Variants in PHF10 observed in about 807,000 individuals in gnomAD.
PHF10 encodes BRG1-associated factor 45a.
A neutral mutation model predicts 68.5 loss-of-function variants in PHF10; 51 were observed. That is an observed-to-expected ratio of 0.74 (90% CI 0.59 to 0.94). The LOEUF is 0.94. Ranked by LOEUF, PHF10 falls within the 40% of genes least tolerant of loss-of-function variation. PHF10 has a pLI of 0.00. For missense variants in PHF10, 460 were observed against 602.6 expected (o/e 0.76, Z 2.48); for synonymous variants, 204 against 203.5 (o/e 1.00, Z -0.02).
At chr6:169,723,592 T>C (rs1440084544) in intron 1 of PHF10, among the ~76,000 whole-genome samples, 1 of 152,052 alleles carries the variant, frequency 6.6e-6, no homozygotes, top group Non-Finnish European at 1.5e-5. Flanking sequence ...GGGACAAGCT[T>C]GTCAAGCAGG....
At chr6:169,722,038 T>C (rs148194513) in intron 1 of PHF10, among the ~76,000 whole-genome samples, 200 of 152,316 alleles carry the variant, frequency 1.3e-3, no homozygotes, top group African/African-American at 4.3e-3. Flanking sequence ...TCTGTGAGCA[T>C]CTCCTTATCC....
At chr6:169,714,332 C>T (rs1289096779) in intron 7 of PHF10, among the ~76,000 whole-genome samples, 1 of 152,220 alleles carries the variant, frequency 6.6e-6, no homozygotes, top group East Asian at 1.9e-4. Context: ...CTAACCTGCA[C>T]ATGAATCACA....
chr6:169,723,983 GGCCGCCGCCGCCGCTGCCGCCGCC>G lies in PHF10; in HGVS notation c.-76_-53del, dbSNP rs1328310574. ...GCCGCCGTCGCCTCCGCCTTGTCCC[GGCCGCCGCCGCCGCTGCCGCCGCC>G]GCCGCCGCCGCCGCCGCGCGGGCCC... On this transcript the variant is annotated 5_prime_UTR_variant, in exon 1 of 12. Transcript: ENST00000339209. The G allele has an allele frequency of 6.3e-5, 32 of 507,298 alleles. No individual in the cohort carries two copies. Among genetic ancestry groups the G allele is most frequent in the African/African-American group, 1.8e-4 (8 of 45,564 alleles). 31.4% of individuals were successfully genotyped at this position (507,298 alleles called of 1,614,324 possible).
At chr6:169,719,044 T>A (rs1180993498) in intron 2 of PHF10, 126 bp from the exon 3 acceptor site, 2 of 616,410 alleles carry the variant, frequency 3.2e-6, no homozygotes, top group African/African-American at 1.9e-5. Context: ...CTTGACTTCC[T>A]GTGTATCAAA....
intron 8 of PHF10, among the ~76,000 whole-genome samples, chr6:169,710,653 G>C (rs1419232722): frequency 6.6e-6 from 1 of 152,008 alleles, no homozygotes; most frequent in Non-Finnish European, 1.5e-5. Flanking sequence ...TCTGACATAA[G>C]TCACAAAAAC....
At chr6:169,718,606 T>C (rs943905063) in intron 3 of PHF10, among the ~76,000 whole-genome samples, 182 bp downstream of exon 3, 1 of 152,222 alleles carries the variant, frequency 6.6e-6, no homozygotes, top group African/African-American at 2.4e-5. Flanking sequence ...AGTGCAAGGC[T>C]GCAGTGAGCT....
At chr6:169,705,888 G>A (rs1422380269) in intron 9 of PHF10, among the ~76,000 whole-genome samples, 164 bp from the exon 10 acceptor site, 1 of 152,146 alleles carries the variant, frequency 6.6e-6, no homozygotes, top group Non-Finnish European at 1.5e-5. Flanking sequence ...ATGTAAGACT[G>A]CCTACTGAAG....
chr6:169,715,823 G>C lies in PHF10; in HGVS notation c.578C>G (p.Ala193Gly). 1 of 1,613,336 alleles carries C rather than the reference G, an allele frequency of 6.2e-7. No individual in the cohort carries two copies. The highest frequency in any genetic ancestry group is 8.5e-7 in the Non-Finnish European group (1 of 1,179,662). ...CTTAATATACTCAGGCACTTTACTG[G>C]CTTCAACTTTCTGAGTATTCTGTTG... ...MQQQNTQKVE[A>G]SKVPEYIKKA... The change falls in exon 6 of 12, where the codon GCC becomes GGC. Residue 193 changes from alanine to glycine, a missense_variant. Physicochemically the swap from Ala to Gly is moderately conservative, Grantham distance 60. Transcript: ENST00000339209.
At chr6:169,707,552 C>T (rs1464856103) in intron 9 of PHF10, 1 of 152,168 alleles carries the variant, frequency 6.6e-6, no homozygotes, top group Non-Finnish European at 1.5e-5. Context: ...ATATCTTTCA[C>T]TAAAGTCAGG....
intron 2 of PHF10, among the ~76,000 whole-genome samples, chr6:169,720,555 G>A (rs763697233): frequency 4.8e-4 from 73 of 152,100 alleles, no homozygotes; most frequent in Non-Finnish European, 7.2e-4. Context: ...AGCCACAAAA[G>A]GACAAATATT....
chr6:169,709,040 A>T (rs960694126), intron 9 of PHF10: 1 of 152,174 alleles, frequency 6.6e-6, no homozygotes, highest in African/African-American at 2.4e-5. Context: ...ACCCTTGCTG[A>T]ATTAAGCTTA....
At chr6:169,709,709 G>A (rs1001987344) in intron 9 of PHF10, 1 of 152,046 alleles carries the variant, frequency 6.6e-6, no homozygotes, top group Admixed American at 6.6e-5. Context: ...TAAGTAACAG[G>A]TTTTATTATT....
At chr6:169,704,171 G>A (rs1788687715) in intron 11 of PHF10, 83 bp from the exon 12 acceptor site, 1 of 965,248 alleles carries the variant, frequency 1.0e-6, no homozygotes, top group Non-Finnish European at 1.5e-6. Flanking sequence ...TTCTGCCTTA[G>A]CTATCACTAA....
intron 8 of PHF10, among the ~76,000 whole-genome samples, chr6:169,712,033 T>C (rs149364906): frequency 4.6e-5 from 7 of 152,304 alleles, no homozygotes; most frequent in African/African-American, 1.4e-4. Context: ...GCAAATGCAC[T>C]CCCCTCAACT....
chr6:169,706,518 A>ATGACT (rs1283306123), intron 9 of PHF10, among the ~76,000 whole-genome samples: 1 of 152,170 alleles, frequency 6.6e-6, no homozygotes, highest in Non-Finnish European at 1.5e-5. Flanking sequence ...AATTTTAGAC[A>ATGACT]TATTTGGTTA....
rs1241597652 is a variant in PHF10 at position 169,706,752 on chromosome 6, ACACAC to A, written c.1114-1033_1114-1029del. On this transcript the variant is annotated intron_variant, in intron 9 of 11. Transcript: ENST00000339209. ...TACACACACACACACACACACACAC[ACACAC>A]ACACACACACACACACACACACGTA... 3.3e-5 allele frequency among the ~76,000 whole-genome samples: 5 copies of A among 151,148 alleles called. 1 individual carries two copies. In the East Asian group the frequency reaches 9.7e-4, roughly 29 times the overall value.
chr6:169,715,001 C>A (rs549121979), intron 6 of PHF10, among the ~76,000 whole-genome samples, 159 bp from the exon 7 acceptor site: 1 of 152,176 alleles, frequency 6.6e-6, no homozygotes, highest in African/African-American at 2.4e-5. Context: ...ACAGTTGGTG[C>A]TTTCAGTTCT....
chr6:169,706,445 G>A (rs571330532), intron 9 of PHF10, among the ~76,000 whole-genome samples: 41 of 152,094 alleles, frequency 2.7e-4, no homozygotes, highest in African/African-American at 9.4e-4. Context: ...AAAAATACAC[G>A]AACACTCTGA....
intron 6 of PHF10, 126 bp from the exon 7 acceptor site, chr6:169,714,968 A>G: frequency 3.1e-6 from 2 of 647,518 alleles, no homozygotes; most frequent in Non-Finnish European, 5.6e-6. Context: ...TTTAGGAGAT[A>G]TCAGGAGCTA....
Sources: gnomAD v4.1 joint callset for allele counts (sites outside exome capture counted in the v4.1 genomes callset) on GRCh38, gnomAD v4.1.1 for gene constraint, MANE v1.5 for transcripts, NCBI Gene and HGNC (gene_info 2026-07-23, HGNC 2026-07-21) for gene names.